Variants in RNF144A observed in about 807,000 individuals in gnomAD.
The protein encoded by RNF144A is E3 ubiquitin-protein ligase RNF144A.
In RNF144A, 11 loss-of-function variants were observed where a neutral mutation model predicts 38.7. The ratio of observed to expected loss-of-function variants is 0.28; its 90% CI spans 0.18 to 0.47. The LOEUF is 0.47. RNF144A is among the 20% of genes least tolerant of loss of function. RNF144A has a pLI of 0.99. For synonymous variants in RNF144A, 149 were observed against 143.9 expected, an observed-to-expected ratio of 1.04 and a Z score of -0.25; for missense variants, 316 against 377.2, an observed-to-expected ratio of 0.84 and a Z score of 1.34.
chr2:6,941,303 C>T lies in RNF144A; in HGVS notation c.-12+156C>T, dbSNP rs563985122. ...ATAAAGGCAATTTTCTAGTAGGTTTCCCCGGAATGAATTTTAAGATAGTGT... is the reference window on the plus strand; with the variant it reads ...ATAAAGGCAATTTTCTAGTAGGTTTTCCCGGAATGAATTTTAAGATAGTGT... On this transcript the variant is annotated intron_variant, in intron 2 of 8. Transcript: ENST00000320892. The surrounding 1 kb of genome is among the most constrained non-coding windows in gnomAD (Gnocchi z 6.5). Among the ~76,000 whole-genome samples the T allele has an allele frequency of 3.3e-5, 5 of 152,282 alleles. No individual in the cohort carries two copies. In the East Asian group the frequency reaches 5.8e-4, roughly 18 times the overall value.
chr2:7,035,865 G>A (rs542543626), intron 8 of RNF144A, among the ~76,000 whole-genome samples: 7 of 152,326 alleles, frequency 4.6e-5, no homozygotes, highest in Non-Finnish European at 8.8e-5. Flanking sequence ...AAACAGTGCT[G>A]TAAAGGAAGA....
chr2:6,951,052 G>T (rs560278843), intron 2 of RNF144A, among the ~76,000 whole-genome samples: 2 of 151,934 alleles, frequency 1.3e-5, no homozygotes, highest in African/African-American at 4.8e-5. Flanking sequence ...TATAATTAGG[G>T]CCTTATATTT....
At chr2:7,044,524 G>T (rs1023939434), downstream of RNF144A, among the ~76,000 whole-genome samples, 2 of 152,116 alleles carry the variant, frequency 1.3e-5, no homozygotes, top group Non-Finnish European at 2.9e-5. Flanking sequence ...CACTCAGGGC[G>T]CTCTGCTTCC....
At chr2:7,046,649 G>A (rs995740437), downstream of RNF144A, among the ~76,000 whole-genome samples, 1 of 152,164 alleles carries the variant, frequency 6.6e-6, no homozygotes, top group African/African-American at 2.4e-5. Flanking sequence ...AGCACAGAAG[G>A]ACCCTCTTCC....
At chr2:6,938,802 G>A (rs534367354) in intron 1 of RNF144A, among the ~76,000 whole-genome samples, 78 of 152,190 alleles carry the variant, frequency 5.1e-4, no homozygotes, top group African/African-American at 1.9e-3. Context: ...TTCTGTTCTC[G>A]ACCTTGCATG....
At chr2:6,976,983 A>G (rs1668356790) in intron 2 of RNF144A, among the ~76,000 whole-genome samples, 1 of 152,200 alleles carries the variant, frequency 6.6e-6, no homozygotes, top group African/African-American at 2.4e-5. Context: ...CCACATTTTC[A>G]TGCCTGCAAT....
At chr2:6,989,012 T>TG (rs1179869645) in intron 2 of RNF144A, among the ~76,000 whole-genome samples, 5 of 152,194 alleles carry the variant, frequency 3.3e-5, no homozygotes, top group African/African-American at 1.2e-4. Context: ...TCCAATGTCC[T>TG]GCCCCAGTCC....
intron 1 of RNF144A, among the ~76,000 whole-genome samples, chr2:6,918,033 G>A (rs1472331587): frequency 1.3e-5 from 2 of 151,902 alleles, no homozygotes; most frequent in African/African-American, 2.4e-5. Context: ...GGCGGCGGGG[G>A]CTTTCAAGGT....
intron 7 of RNF144A, among the ~76,000 whole-genome samples, chr2:7,025,878 C>T (rs1477114021): frequency 1.3e-5 from 2 of 151,956 alleles, no homozygotes; most frequent in African/African-American, 2.4e-5. Flanking sequence ...TCAAATAAAG[C>T]GGGGGGTGGG....
intron 2 of RNF144A, among the ~76,000 whole-genome samples, chr2:6,981,509 A>C (rs1431696342): frequency 1.3e-5 from 2 of 152,188 alleles, no homozygotes; most frequent in African/African-American, 2.4e-5. Context: ...TCTCTAGGGC[A>C]GGGGGAAAAT....
At chr2:7,022,115 C>T (rs557410593) in intron 6 of RNF144A, among the ~76,000 whole-genome samples, 7 of 152,368 alleles carry the variant, frequency 4.6e-5, no homozygotes, top group African/African-American at 1.2e-4. Flanking sequence ...TTGCTGGAGG[C>T]GCCTCCTGGG....
intron 5 of RNF144A, among the ~76,000 whole-genome samples, chr2:7,015,172 A>G (rs987259434): frequency 1.3e-5 from 2 of 152,180 alleles, no homozygotes; most frequent in African/African-American, 4.8e-5. Flanking sequence ...TAGGCATAGC[A>G]GAAATTACAG....
At chr2:6,925,529 G>GT (rs1262856633) in intron 1 of RNF144A, among the ~76,000 whole-genome samples, 1 of 152,090 alleles carries the variant, frequency 6.6e-6, no homozygotes, top group Non-Finnish European at 1.5e-5. Flanking sequence ...AGATATGAGA[G>GT]TAAGAGTTCC....
chr2:6,955,546 T>G (rs1372599090), intron 2 of RNF144A, among the ~76,000 whole-genome samples: 1 of 152,184 alleles, frequency 6.6e-6, no homozygotes, highest in African/African-American at 2.4e-5. Context: ...TAAATAGAGT[T>G]GCTCCTTCAA....
chr2:6,918,763 CAAAAAAAAAAAAAAA>C (rs5829089), intron 1 of RNF144A: 7 of 48,812 alleles, frequency 1.4e-4, no homozygotes, highest in African/African-American at 5.5e-4. Flanking sequence ...GACTCCGTCT[CAAAAAAAAAAAAAAA>C]AAAAAAAAAA....
intron 7 of RNF144A, among the ~76,000 whole-genome samples, chr2:7,029,728 G>A (rs765025707): frequency 2.0e-5 from 3 of 152,248 alleles, no homozygotes; most frequent in Admixed American, 6.5e-5. Context: ...ACACACAGCC[G>A]GAGCCAGCAG....
At chr2:7,044,992 G>T (rs1640244842), downstream of RNF144A, among the ~76,000 whole-genome samples, 1 of 152,340 alleles carries the variant, frequency 6.6e-6, no homozygotes, top group African/African-American at 2.4e-5. Flanking sequence ...GTAGACGCAC[G>T]CTCAGCAGGC....
chr2:7,010,032 A>G (rs1431889111), intron 3 of RNF144A, among the ~76,000 whole-genome samples: 1 of 152,236 alleles, frequency 6.6e-6, no homozygotes, highest in Non-Finnish European at 1.5e-5. Flanking sequence ...ATAAATAATT[A>G]ATAGTTCTTG....
At chr2:6,920,137 T>TTGCC (rs893179393) in intron 1 of RNF144A, among the ~76,000 whole-genome samples, 7 of 152,222 alleles carry the variant, frequency 4.6e-5, no homozygotes, top group African/African-American at 1.7e-4. Flanking sequence ...ACAAGCTACG[T>TTGCC]TGCCTGCCTC....
Sources: allele counts gnomAD v4.1 joint callset (sites outside exome capture counted in the v4.1 genomes callset), GRCh38; gene constraint gnomAD v4.1.1; non-coding constraint Gnocchi (gnomAD v3.1); transcripts MANE v1.5; gene names NCBI Gene and HGNC (gene_info 2026-07-23, HGNC 2026-07-21).